The following ATRNL1 variants were observed in gnomAD, a reference collection of about 807,000 sequenced individuals.
ATRNL1 encodes the protein attractin like 1.
ATRNL1 carries 95 observed loss-of-function variants against 182.7 expected under a neutral mutation model. The ratio of observed to expected loss-of-function variants is 0.52; its 90% CI spans 0.44 to 0.62. The LOEUF (loss-of-function observed/expected upper bound fraction) is 0.62, where lower values mean the gene tolerates loss of function less well. Among genes scored for constraint, ATRNL1 ranks in the 20% least tolerant of loss-of-function variants. The probability of loss-of-function intolerance (pLI) is 0.00; values close to 1 mark genes in which losing one functional copy is unlikely to be tolerated. For missense variants in ATRNL1, 1,471 were observed against 1,679.5 expected (o/e 0.88, Z 2.17); for synonymous variants, 576 against 568.3 (o/e 1.01, Z -0.19).
chr10:115,324,888 A>C (rs554135422), intron 18 of ATRNL1, among the ~76,000 whole-genome samples: 1 of 152,240 alleles, frequency 6.6e-6, no homozygotes, highest in South Asian at 2.1e-4. Context: ...GCTAGCTCAA[A>C]TTTAGCTTTA....
chr10:115,439,755 G>A (rs1204189958), intron 21 of ATRNL1, among the ~76,000 whole-genome samples: 1 of 151,878 alleles, frequency 6.6e-6, no homozygotes, highest in Non-Finnish European at 1.5e-5. Flanking sequence ...GAGGAAATTT[G>A]ACTACAGTAG....
chr10:115,205,547 T>C (rs1554893546), intron 8 of ATRNL1, among the ~76,000 whole-genome samples: 1 of 151,972 alleles, frequency 6.6e-6, no homozygotes, highest in African/African-American at 2.4e-5. Flanking sequence ...TCTTGTTTCC[T>C]TTTTCCTGTA....
At chr10:115,566,349 A>G (rs532058477) in intron 26 of ATRNL1, among the ~76,000 whole-genome samples, 1 of 152,170 alleles carries the variant, frequency 6.6e-6, no homozygotes, top group Non-Finnish European at 1.5e-5. Context: ...ACAATTTATT[A>G]TTACTTTCAG....
intron 26 of ATRNL1, among the ~76,000 whole-genome samples, chr10:115,722,237 C>T (rs4751929): frequency 0.37 from 55,848 of 151,434 alleles, 11,036 homozygotes; most frequent in Admixed American, 0.54. Context: ...ATATTGCCGG[C>T]AGGTCAAAGA....
At chr10:115,615,879 G>A (rs558296243) in intron 26 of ATRNL1, among the ~76,000 whole-genome samples, 1 of 152,198 alleles carries the variant, frequency 6.6e-6, no homozygotes, top group South Asian at 2.1e-4. Flanking sequence ...TTTCTTTATA[G>A]CAATGCGAGA....
At chr10:115,291,640 A>T (rs1852907364) in intron 15 of ATRNL1, among the ~76,000 whole-genome samples, 1 of 151,970 alleles carries the variant, frequency 6.6e-6, no homozygotes, top group Non-Finnish European at 1.5e-5. Context: ...TTGTCCTTCT[A>T]TCGATGTGAT....
intron 27 of ATRNL1, among the ~76,000 whole-genome samples, chr10:115,787,478 TG>T (rs1357844983): frequency 1.3e-5 from 2 of 152,216 alleles, no homozygotes; most frequent in African/African-American, 4.8e-5. Context: ...AATATCCTTT[TG>T]GTTTTTGTGC....
chr10:115,384,982 T>C (rs1192536712), intron 19 of ATRNL1, among the ~76,000 whole-genome samples: 1 of 151,988 alleles, frequency 6.6e-6, no homozygotes, highest in Non-Finnish European at 1.5e-5. Context: ...ACAATATTAG[T>C]GTTAATATTT....
At chr10:115,573,953 G>C (rs1854554959) in intron 26 of ATRNL1, among the ~76,000 whole-genome samples, 1 of 152,246 alleles carries the variant, frequency 6.6e-6, no homozygotes, top group Non-Finnish European at 1.5e-5. Flanking sequence ...AAGCTGAAAA[G>C]ATACTTCTGT....
At chr10:115,297,569 C>G (rs1231079988) in intron 15 of ATRNL1, among the ~76,000 whole-genome samples, 2 of 151,180 alleles carry the variant, frequency 1.3e-5, no homozygotes, top group Admixed American at 6.6e-5. Flanking sequence ...GGCGTGAACC[C>G]AGGAGGTGGA....
At chr10:115,629,200 A>G (rs769036271) in intron 26 of ATRNL1, among the ~76,000 whole-genome samples, 15 of 152,332 alleles carry the variant, frequency 9.8e-5, no homozygotes, top group Admixed American at 2.0e-4. Flanking sequence ...GCACTGTGCT[A>G]TGTAGAGCAA....
chr10:115,559,378 G>A (rs1554998324), intron 26 of ATRNL1, among the ~76,000 whole-genome samples: 2 of 151,586 alleles, frequency 1.3e-5, no homozygotes, highest in Non-Finnish European at 2.9e-5. Context: ...CTTTCCAGTG[G>A]TTCCTCCATT....
intron 26 of ATRNL1, among the ~76,000 whole-genome samples, chr10:115,586,160 G>A (rs1370603845): frequency 1.1e-4 from 1 of 9,202 alleles, no homozygotes; most frequent in African/African-American, 1.2e-4. Context: ...AGGGCAACCC[G>A]ACCTTTCTCT....
intron 8 of ATRNL1, among the ~76,000 whole-genome samples, chr10:115,200,151 C>T (rs1474135124): frequency 6.6e-6 from 1 of 151,488 alleles, no homozygotes; most frequent in Non-Finnish European, 1.5e-5. Context: ...TTCATTTCTG[C>T]TGAATTTAGA....
rs144628792 is a variant in ATRNL1, at chr10:115,398,339, G to A, written c.3269+3587G>A. ...TTTTTGGCCCAAAACACAGCTGATC[G>A]TCAAAAATTGTAACTTAAAAATGAA... On this transcript the variant is annotated intron_variant, in intron 20 of 28. Transcript: ENST00000355044. Among the ~76,000 whole-genome samples, 257 of 151,950 alleles carry A rather than the reference G, an allele frequency of 1.7e-3. 1 individual carries two copies. Among genetic ancestry groups the A allele is most frequent in the South Asian group, 5.2e-3 (25 of 4,814 alleles).
At chr10:115,600,648 A>G (rs2133941460) in intron 26 of ATRNL1, among the ~76,000 whole-genome samples, 1 of 152,224 alleles carries the variant, frequency 6.6e-6, no homozygotes, top group East Asian at 1.9e-4. Context: ...TGTCAGTTTT[A>G]TGCAATGCAA....
intron 8 of ATRNL1, among the ~76,000 whole-genome samples, chr10:115,183,533 A>G (rs1847826694): frequency 1.3e-5 from 2 of 151,614 alleles, no homozygotes; most frequent in Non-Finnish European, 3.0e-5. Flanking sequence ...TATTGATAGG[A>G]TATTAAAATA....
At chr10:115,651,316 G>A (rs1375701681) in intron 26 of ATRNL1, among the ~76,000 whole-genome samples, 2 of 152,252 alleles carry the variant, frequency 1.3e-5, no homozygotes, top group African/African-American at 2.4e-5. Flanking sequence ...TCAGCGTCCC[G>A]CATTAGACCT....
intron 27 of ATRNL1, among the ~76,000 whole-genome samples, chr10:115,790,186 A>G (rs770678894): frequency 3.3e-5 from 5 of 151,968 alleles, no homozygotes; most frequent in Non-Finnish European, 7.4e-5. Flanking sequence ...CCAGAGCAGG[A>G]CAATCTGACA....
Sources: gnomAD v4.1 joint callset for allele counts (sites outside exome capture counted in the v4.1 genomes callset) on GRCh38, gnomAD v4.1.1 for gene constraint, MANE v1.5 for transcripts, NCBI Gene and HGNC (gene_info 2026-07-23, HGNC 2026-07-21) for gene names.